The following GSTA3 variants were observed in gnomAD, a reference collection of about 807,000 sequenced individuals.
GSTA3 encodes the protein glutathione S-transferase alpha 3.
In GSTA3, 16 loss-of-function variants were observed where a neutral mutation model predicts 23.1. The observed-to-expected ratio is 0.69, with a 90% confidence interval of 0.47 to 1.05. The LOEUF (loss-of-function observed/expected upper bound fraction) is 1.05, where lower values mean the gene tolerates loss of function less well. GSTA3 is among the 50% of genes least tolerant of loss of function. GSTA3 has a pLI of 0.00. For synonymous variants in GSTA3, 122 were observed against 91.0 expected (o/e 1.34, Z -1.94); for missense variants, 319 against 263.6 (o/e 1.21, Z -1.46).
chr6:52,899,263 C>T (rs1765584982), intron 5 of GSTA3, among the ~76,000 whole-genome samples: 2 of 152,234 alleles, frequency 1.3e-5, no homozygotes, highest in African/African-American at 2.4e-5. Flanking sequence ...AATATACTGA[C>T]ATGTTAATTC....
rs904004180 is a variant in GSTA3 at position 52,896,790 on chromosome 6, C to T, written c.*16G>A. ...AATATTGGTCTTGCATGTTCTTAGC[C>T]TCCATGGCTGCTTTATTAAAACCTG... is the stretch of plus-strand genomic sequence containing the variant. On this transcript the variant is annotated 3_prime_UTR_variant, in exon 7 of 7. Transcript: ENST00000211122. 1.9e-6 allele frequency: 3 copies of T among 1,613,750 alleles called. No individual in the cohort carries two copies. The highest frequency in any genetic ancestry group is 2.5e-6 in the Non-Finnish European group (3 of 1,179,804).
chr6:52,908,526 AG>A (rs1170527091), intron 1 of GSTA3, among the ~76,000 whole-genome samples: 1 of 152,170 alleles, frequency 6.6e-6, no homozygotes, highest in Non-Finnish European at 1.5e-5. Context: ...ACAAACAAAA[AG>A]CATGAAAAAA....
chr6:52,905,277 C>T (rs1561956529), intron 2 of GSTA3, among the ~76,000 whole-genome samples: 1 of 152,088 alleles, frequency 6.6e-6, no homozygotes, highest in Non-Finnish European at 1.5e-5. Context: ...TAATATGAAA[C>T]AAATCTGAGG....
chr6:52,901,217 C>T (rs1344501314), intron 4 of GSTA3, among the ~76,000 whole-genome samples: 1 of 152,218 alleles, frequency 6.6e-6, no homozygotes, highest in South Asian at 2.1e-4. Flanking sequence ...TCATCACACT[C>T]TAATTCTAGA....
chr6:52,902,443 C>T lies in GSTA3; in HGVS notation c.175G>A (p.Glu59Lys). ...SLMFQQVPMV[E>K]IDGMKLVQTR... ...TGTACCAACTTCATCCCATCAATCT[C>T]AACCATTGGTACTTGCTGGAACATC... The change falls in exon 4 of 7, where the codon GAG (glutamate) becomes AAG (lysine). Residue 59 changes from glutamate to lysine, a missense_variant. Glu to Lys is a moderately conservative substitution (Grantham distance 56). Coordinates refer to ENST00000211122, the MANE Select transcript of GSTA3 (RefSeq NM_000847.5). 1 of 1,613,698 alleles carries T rather than the reference C, an allele frequency of 6.2e-7. No individual in the cohort carries two copies.
chr6:52,906,617 A>G (rs1046975276), intron 1 of GSTA3, among the ~76,000 whole-genome samples: 5 of 152,298 alleles, frequency 3.3e-5, no homozygotes, highest in Admixed American at 2.0e-4. Context: ...AAACAGAGAT[A>G]TAGATCAATG....
At chr6:52,908,331 G>A (rs1389318913) in intron 1 of GSTA3, among the ~76,000 whole-genome samples, 1 of 151,818 alleles carries the variant, frequency 6.6e-6, no homozygotes. Flanking sequence ...GGACTGGCCT[G>A]GGCAATTAAA....
chr6:52,902,989 C>A (rs1237318547), intron 3 of GSTA3, among the ~76,000 whole-genome samples: 1 of 152,160 alleles, frequency 6.6e-6, no homozygotes, highest in Non-Finnish European at 1.5e-5. Context: ...ATGGCCACAT[C>A]TATTTCTATT....
At chr6:52,898,104 T>A in intron 5 of GSTA3, 148 bp from the exon 6 acceptor site, 2 of 886,246 alleles carry the variant, frequency 2.3e-6, no homozygotes, top group South Asian at 1.5e-5. Flanking sequence ...TGTTCCCTGA[T>A]TGAGTGAGGG....
intron 4 of GSTA3, among the ~76,000 whole-genome samples, chr6:52,900,802 G>A (rs986344905): frequency 1.7e-4 from 26 of 152,244 alleles, no homozygotes; most frequent in Admixed American, 7.9e-4. Context: ...TTTCTCCTAA[G>A]TAATCCCAAG....
At chr6:52,904,313 C>T (rs1300557174) in intron 2 of GSTA3, among the ~76,000 whole-genome samples, 1 of 152,144 alleles carries the variant, frequency 6.6e-6, no homozygotes, top group Non-Finnish European at 1.5e-5. Flanking sequence ...ACTTCACCTC[C>T]CCACGATCTC....
chr6:52,898,283 G>C (rs143280152), intron 5 of GSTA3, among the ~76,000 whole-genome samples: 15 of 152,074 alleles, frequency 9.9e-5, no homozygotes, highest in African/African-American at 3.1e-4. Flanking sequence ...GCCCTACAGC[G>C]TGTAGCCTTG....
chr6:52,903,614 T>C, intron 3 of GSTA3, 62 bp downstream of exon 3: 1 of 844,688 alleles, frequency 1.2e-6, no homozygotes, highest in East Asian at 2.6e-5. Context: ...AAAAAATCAA[T>C]CTTCAGCGGT....
intron 3 of GSTA3, 80 bp from the exon 4 acceptor site, chr6:52,902,558 G>T (rs1480455658): frequency 1.2e-5 from 16 of 1,363,788 alleles, no homozygotes; most frequent in Admixed American, 2.2e-5. Flanking sequence ...TGGTTGAAAT[G>T]ACTGAGGTTA....
In GSTA3 at chr6:52,900,001, T is replaced by C. The variant is rs1765612049; in HGVS notation, c.347A>G (p.Glu116Gly). The part of the protein sequence containing the change: ...ILLLPLCRPE[E>G]KDAKIALIKE... Reference sequence around the variant, plus strand: ...GATCAAGGCAATCTTGGCATCTTTTTCCTCAGGTCGACATAAGGGCAGAAG... The same window carrying C: ...GATCAAGGCAATCTTGGCATCTTTTCCCTCAGGTCGACATAAGGGCAGAAG... The change falls in exon 5 of 7, where the codon GAA becomes GGA. Residue 116 changes from glutamate (E) to glycine (G), a missense_variant. Glu to Gly is a moderately conservative substitution (Grantham distance 98). Transcript: ENST00000211122. The C allele has an allele frequency of 1.2e-6, 2 of 1,613,944 alleles. No homozygotes were observed. Among genetic ancestry groups the C allele is most frequent in the Non-Finnish European group, 1.7e-6 (2 of 1,179,826 alleles).
chr6:52,903,316 G>A lies in GSTA3; in HGVS notation c.139+360C>T, dbSNP rs912821139. 9.9e-5 allele frequency among the ~76,000 whole-genome samples: 15 copies of A among 151,846 alleles called. No homozygotes were observed. The South Asian group carries it at 2.3e-3, about 23-fold the overall frequency. On this transcript the variant is annotated intron_variant, in intron 3 of 6. Coordinates refer to ENST00000211122, the MANE Select transcript of GSTA3 (RefSeq NM_000847.5). ...AAAATCTTCAACTGTGGCCGGGCAC[G>A]GTGGCTCACACCTGTAATCCCAGCA... is the stretch of plus-strand genomic sequence containing the variant.
Position 52,909,659 on chromosome 6 carries a change from G to C in GSTA3, c.-40C>G, listed in dbSNP as rs567059868. ...TACTAACTTGAGTAAAGTCTAGCCG[G>C]TCTCCGCTCAGCTTCTCAAGGCCAC... On this transcript the variant is annotated 5_prime_UTR_variant, in exon 1 of 7. Transcript: ENST00000211122. 1 of 152,110 alleles carries C rather than the reference G, an allele frequency of 6.6e-6. No homozygotes were observed. Among genetic ancestry groups the C allele is most frequent in the Non-Finnish European group, 1.5e-5 (1 of 68,030 alleles). The allele number at this position is 152,110 out of a possible 1,614,324, so 9.4% of individuals were successfully genotyped here. A position where few individuals can be genotyped will look rare whatever the true frequency, so the allele number is the denominator to read the frequency against.
rs45450197 is a variant in GSTA3 at position 52,896,780 on chromosome 6, T to C, written c.*26A>G. 6.2e-7 allele frequency: 1 copy of C among 1,613,196 alleles called. No homozygotes were observed. Among genetic ancestry groups the C allele is most frequent in the Non-Finnish European group, 8.5e-7 (1 of 1,179,522 alleles). ...AAAACTTTAGAATATTGGTCTTGCA[T>C]GTTCTTAGCCTCCATGGCTGCTTTA... On this transcript the variant is annotated 3_prime_UTR_variant, in exon 7 of 7. Coordinates refer to ENST00000211122, the MANE Select transcript of GSTA3 (RefSeq NM_000847.5).
At chr6:52,904,902 C>A (rs528012352) in intron 2 of GSTA3, among the ~76,000 whole-genome samples, 9 of 152,300 alleles carry the variant, frequency 5.9e-5, no homozygotes, top group Admixed American at 2.0e-4. Context: ...TATCTGAGTC[C>A]TTGTAGACAT....
Sources: gnomAD v4.1 joint callset for allele counts (sites outside exome capture counted in the v4.1 genomes callset) on GRCh38, gnomAD v4.1.1 for gene constraint, MANE v1.5 for transcripts, NCBI Gene and HGNC (gene_info 2026-07-23, HGNC 2026-07-21) for gene names.